The following MOG variants were observed in gnomAD, a reference collection of about 807,000 sequenced individuals.
MOG encodes myelin-oligodendrocyte glycoprotein.
MOG carries 20 observed loss-of-function variants against 35.9 expected under a neutral mutation model. The observed-to-expected ratio is 0.56, with a 90% CI of 0.39 to 0.81. The LOEUF is 0.81. Among genes scored for constraint, MOG ranks in the 30% least tolerant of loss-of-function variants. The pLI, the probability that MOG is intolerant of heterozygous loss-of-function variation, is 0.00. For missense variants in MOG, 251 were observed against 301.0 expected, an observed-to-expected ratio of 0.83 and a Z score of 1.23; for synonymous variants, 92 against 114.3, an observed-to-expected ratio of 0.80 and a Z score of 1.25.
chr6:29,658,355 G>A (rs1392833710), intron 1 of MOG, among the ~76,000 whole-genome samples: 2 of 152,056 alleles, frequency 1.3e-5, no homozygotes, highest in Non-Finnish European at 2.9e-5. Context: ...AATCTGACTT[G>A]AGAAACACAT....
rs761342509 is a variant in MOG at position 29,670,425 on chromosome 6, C to T, written c.709+28C>T. On this transcript the variant is annotated intron_variant, in intron 6 of 7. Coordinates refer to ENST00000376917, the MANE Select transcript of MOG (RefSeq NM_206809.4). The surrounding 1 kb of genome is among the most constrained non-coding windows in gnomAD (Gnocchi z 4.2). Reference sequence around the variant, plus strand: ...GCAGTGGCTGGGCAGCAGGCAAGACCACCAAATAGTGGGGGACCAAGTCAG... The same window carrying T: ...GCAGTGGCTGGGCAGCAGGCAAGACTACCAAATAGTGGGGGACCAAGTCAG... 1.2e-6 allele frequency: 2 copies of T among 1,604,548 alleles called. No individual in the cohort carries two copies. Among genetic ancestry groups the T allele is most frequent in the African/African-American group, 2.7e-5 (2 of 74,672 alleles).
Position 29,670,526 on chromosome 6 carries a change from C to A in MOG, c.709+129C>A. ...AGCTGGGATTTCCTTATTCCTCTGT[C>A]CCCATGCCCAACCCCAGGCTCTTCT... On this transcript the variant is annotated intron_variant, in intron 6 of 7. Transcript: ENST00000376917. The surrounding 1 kb of genome is among the most constrained non-coding windows in gnomAD (Gnocchi z 4.2). 1.3e-6 allele frequency: 2 copies of A among 1,488,380 alleles called. No individual in the cohort carries two copies. The highest frequency in any genetic ancestry group is 1.9e-6 in the Non-Finnish European group (2 of 1,072,520). 92.2% of individuals were successfully genotyped at this position (1,488,380 alleles called of 1,614,324 possible).
chr6:29,661,763 C>T, intron 2 of MOG: 1 of 969,328 alleles, frequency 1.0e-6, no homozygotes, highest in South Asian at 4.8e-5. Context: ...TTGCAGTGAG[C>T]CAAGATCGTG....
Position 29,657,267 on chromosome 6 carries a change from C to A in MOG, c.58C>A (p.Leu20Ile), listed in dbSNP as rs1767296639. The change falls in exon 1 of 8, where the codon CTC becomes ATC. Residue 20 changes from leucine (L) to isoleucine (I), a missense_variant. Transcript: ENST00000376917. ...PSCLCSFLLLLLLQVSSSYAG... is the reference protein window; with the variant it reads ...PSCLCSFLLLILLQVSSSYAG... ...CTGCCTCTGCTCCTTCCTCCTCCTCCTCCTCCTCCAAGTGTCTTCCAGCTA... is the reference window on the plus strand; with the variant it reads ...CTGCCTCTGCTCCTTCCTCCTCCTCATCCTCCTCCAAGTGTCTTCCAGCTA... 1 of 1,607,024 alleles carries A rather than the reference C, an allele frequency of 6.2e-7. No individual in the cohort carries two copies. The highest frequency in any genetic ancestry group is 1.3e-5 in the African/African-American group (1 of 74,970).
chr6:29,661,144 T>C (rs1013778748), intron 2 of MOG, among the ~76,000 whole-genome samples: 1 of 152,228 alleles, frequency 6.6e-6, no homozygotes, highest in African/African-American at 2.4e-5. Flanking sequence ...TGCTATTTAA[T>C]TGAGGAACTA....
At position 29,670,596 on chromosome 6, in the gene MOG, C is replaced by A. The variant is rs1269806476; in HGVS notation, c.710-105C>A. 2 of 1,582,692 alleles carry A rather than the reference C, an allele frequency of 1.3e-6. No individual in the cohort carries two copies. Among genetic ancestry groups the A allele is most frequent in the Middle Eastern group, 1.7e-4 (1 of 5,864 alleles). ...CACTTACTGGATCTGTGGGATCCCCCAGTGGAAAGGGCAGTGTGGGTCACT... is the reference window on the plus strand; with the variant it reads ...CACTTACTGGATCTGTGGGATCCCCAAGTGGAAAGGGCAGTGTGGGTCACT... On this transcript the variant is annotated intron_variant, in intron 6 of 7. Coordinates refer to ENST00000376917, the MANE Select transcript of MOG (RefSeq NM_206809.4). The surrounding 1 kb of genome is among the most constrained non-coding windows in gnomAD (Gnocchi z 4.2).
At chr6:29,668,068 C>A (rs964146920) in intron 5 of MOG, 144 bp downstream of exon 5, 1 of 793,484 alleles carries the variant, frequency 1.3e-6, no homozygotes, top group Non-Finnish European at 2.2e-6. Flanking sequence ...AAGTCATTTG[C>A]ATTTAGGATT....
Position 29,666,247 on chromosome 6 carries a change from C to T in MOG, c.532C>T (p.Leu178=), listed in dbSNP as rs1054610901. The T allele has an allele frequency of 3.7e-5, 59 of 1,607,882 alleles. No individual in the cohort carries two copies. Among genetic ancestry groups the T allele is most frequent in the Non-Finnish European group, 4.7e-5 (55 of 1,175,464 alleles). The change falls in exon 3 of 8, where the codon CTG becomes TTG. Residue 178 remains leucine (L), a synonymous_variant. Coordinates refer to ENST00000376917, the MANE Select transcript of MOG (RefSeq NM_206809.4). ...QITVGLIFLC[L]QYRLRGKLRA... ...CACTGTTGGCCTCATCTTCCTCTGCCTGCAGTACAGACTGAGAGGTACAGG... is the reference window on the plus strand; with the variant it reads ...CACTGTTGGCCTCATCTTCCTCTGCTTGCAGTACAGACTGAGAGGTACAGG...
At chr6:29,661,162 T>G (rs1768631010) in intron 2 of MOG, among the ~76,000 whole-genome samples, 1 of 152,170 alleles carries the variant, frequency 6.6e-6, no homozygotes, top group African/African-American at 2.4e-5. Flanking sequence ...CTAAACTGCT[T>G]TGAGAGCCTG....
intron 3 of MOG, among the ~76,000 whole-genome samples, chr6:29,666,560 G>T (rs566262855): frequency 2.0e-5 from 3 of 152,088 alleles, no homozygotes; most frequent in Non-Finnish European, 4.4e-5. Context: ...TACTCAAACC[G>T]ATATAACTTA....
At chr6:29,665,216 C>A (rs1308744682) in intron 2 of MOG, among the ~76,000 whole-genome samples, 1 of 151,920 alleles carries the variant, frequency 6.6e-6, no homozygotes, top group Non-Finnish European at 1.5e-5. Context: ...CCTGCCTCAG[C>A]CTCTTGAGTA....
Position 29,672,337 on chromosome 6 carries a change from A to AAATAAAT in MOG, c.*1157_*1158insATAATAA, listed in dbSNP as rs1771685711. ...ATAAATAAATAAATAAATAAATAAAAAATAATAATACAAGTTTTCATAAGC... is the reference window on the plus strand; with the variant it reads ...ATAAATAAATAAATAAATAAATAAAAAATAAATAATAATAATACAAGTTTTCATAAGC... On this transcript the variant is annotated 3_prime_UTR_variant, in exon 8 of 8. Coordinates refer to ENST00000376917, the MANE Select transcript of MOG (RefSeq NM_206809.4). 4 of 336,138 alleles carry AAATAAAT rather than the reference A, an allele frequency of 1.2e-5. No homozygotes were observed. Among genetic ancestry groups the AAATAAAT allele is most frequent in the East Asian group, 4.7e-5 (1 of 21,456 alleles). The allele number at this position is 336,138 out of a possible 1,614,324, so 20.8% of individuals were successfully genotyped here.
rs1253361307 is a variant in MOG at position 29,671,213 on chromosome 6, G to A, written c.*28G>A. The A allele has an allele frequency of 6.2e-7, 1 of 1,612,804 alleles. No individual in the cohort carries two copies. The highest frequency in any genetic ancestry group is 8.5e-7 in the Non-Finnish European group (1 of 1,180,004). ...GATGTCACATCTTGGCAGGGGTGGA[G>A]GAGAGCCTGGTTGCCCAGGGATTTG... On this transcript the variant is annotated 3_prime_UTR_variant, in exon 8 of 8. Coordinates refer to ENST00000376917, the MANE Select transcript of MOG (RefSeq NM_206809.4).
intron 1 of MOG, among the ~76,000 whole-genome samples, chr6:29,658,215 G>T (rs150169785): frequency 2.0e-5 from 3 of 152,274 alleles, no homozygotes; most frequent in Admixed American, 6.5e-5. Flanking sequence ...AAAGGAACCC[G>T]GCTGTCACGT....
chr6:29,662,103 C>A lies in MOG; in HGVS notation c.436+2437C>A, dbSNP rs771933300. The A allele has an allele frequency of 2.0e-6, 2 of 985,094 alleles. No homozygotes were observed. Among genetic ancestry groups the A allele is most frequent in the Non-Finnish European group, 2.4e-6 (2 of 829,764 alleles). 61.0% of individuals were successfully genotyped at this position (985,094 alleles called of 1,614,324 possible). A position where few individuals can be genotyped will look rare whatever the true frequency, so the allele number is the denominator to read the frequency against. On this transcript the variant is annotated intron_variant, in intron 2 of 7. Transcript: ENST00000376917. The surrounding 1 kb of genome is among the most constrained non-coding windows in gnomAD (Gnocchi z 4.2). ...TCTTTCTCTGAAGAGTTTCTAATTT[C>A]TCTTGTTTACTTATTTTTTTCTTGT...
intron 5 of MOG, among the ~76,000 whole-genome samples, chr6:29,669,654 T>G (rs1771027887): frequency 6.6e-6 from 1 of 152,128 alleles, no homozygotes. Flanking sequence ...CTGCAATAAC[T>G]CTAATGGGAA....
In MOG at chr6:29,667,908, T is replaced by C. The variant is rs747321680; in HGVS notation, c.576T>C (p.Asn192=). The C allele has an allele frequency of 6.8e-5, 109 of 1,613,286 alleles. No individual in the cohort carries two copies. The highest frequency in any genetic ancestry group is 9.2e-5 in the Non-Finnish European group (108 of 1,180,020). ...TTCCATTTGTTTCTCTTTCAGAGAA[T>C]CTCCACCGGACTTTTGGTAAGTTCC... ...LRGKLRAEIE[N]LHRTFDPHFL... is the part of the protein sequence containing the mutation. The change falls in exon 5 of 8, where the codon AAT becomes AAC. Residue 192 remains asparagine (N), a synonymous_variant. Coordinates refer to ENST00000376917, the MANE Select transcript of MOG (RefSeq NM_206809.4).
intron 5 of MOG, among the ~76,000 whole-genome samples, chr6:29,669,412 T>C (rs1192312329): frequency 6.6e-6 from 1 of 151,892 alleles, no homozygotes; most frequent in Non-Finnish European, 1.5e-5. Context: ...TGCCTCAGCC[T>C]CCCAAGTTGC....
intron 4 of MOG, 81 bp downstream of exon 4, chr6:29,667,744 C>T: frequency 6.4e-7 from 1 of 1,565,310 alleles, no homozygotes; most frequent in Non-Finnish European, 8.8e-7. Context: ...CTTGGACCGT[C>T]TCTCCCTCTC....
Sources: allele counts gnomAD v4.1 joint callset (sites outside exome capture counted in the v4.1 genomes callset), GRCh38; gene constraint gnomAD v4.1.1; non-coding constraint Gnocchi (gnomAD v3.1); transcripts MANE v1.5; gene names NCBI Gene and HGNC (gene_info 2026-07-23, HGNC 2026-07-21).